The following DPP6 variants were observed in gnomAD, a reference collection of about 807,000 sequenced individuals.
The protein encoded by DPP6 is dipeptidyl peptidase like 6, also known as A-type potassium channel modulatory protein DPP6.
In DPP6, 69 loss-of-function variants were observed where a neutral mutation model predicts 122.6. That is an observed-to-expected ratio of 0.56 (90% CI 0.46 to 0.69). The LOEUF is 0.69. Among genes scored for constraint, DPP6 ranks in the 30% least tolerant of loss-of-function variants. The pLI, the probability that DPP6 is intolerant of heterozygous loss-of-function variation, is 0.00. For synonymous variants in DPP6, 418 were observed against 433.1 expected (o/e 0.97, Z 0.43); for missense variants, 928 against 1,116.9 (o/e 0.83, Z 2.41).
At chr7:153,825,481 G>A in the DPP6 span, among the ~76,000 whole-genome samples, 4 of 152,164 alleles carry the variant, frequency 2.6e-5, no homozygotes, top group African/African-American at 9.7e-5. Flanking sequence ...ATGACAGTCG[G>A]TTATCTTCCC....
At chr7:154,224,880 T>C (rs892488312) in intron 1 of DPP6, among the ~76,000 whole-genome samples, 1 of 133,064 alleles carries the variant, frequency 7.5e-6, no homozygotes, top group Non-Finnish European at 1.5e-5. Flanking sequence ...TGGTGGCTTA[T>C]GCCTGTAATC....
chr7:154,132,257 G>A (rs1795322264), intron 1 of DPP6, among the ~76,000 whole-genome samples: 1 of 152,184 alleles, frequency 6.6e-6, no homozygotes, highest in Non-Finnish European at 1.5e-5. Flanking sequence ...ATCTGACTAT[G>A]TATTTCCCTT....
intron 3 of DPP6, among the ~76,000 whole-genome samples, chr7:154,509,902 A>G (rs752226541): frequency 3.2e-4 from 49 of 152,224 alleles, no homozygotes; most frequent in Non-Finnish European, 5.7e-4. Flanking sequence ...CAGACAGAAA[A>G]TGGGATAGTG....
chr7:154,639,656 C>T lies in DPP6; in HGVS notation c.680+1783C>T, dbSNP rs577024219. Among the ~76,000 whole-genome samples the T allele has an allele frequency of 8.9e-4, 135 of 152,284 alleles. 1 individual carries two copies. The South Asian group carries it at 9.1e-3, about 10-fold the overall frequency. ...GCTGAACAAGCTAGCAAAGCTCAGG[C>T]CATGATAGTCTGTGTTGAAGGCTCG... On this transcript the variant is annotated intron_variant, in intron 6 of 25. Transcript: ENST00000377770.
chr7:154,664,205 T>C (rs1322364514), intron 6 of DPP6, among the ~76,000 whole-genome samples: 1 of 144,708 alleles, frequency 6.9e-6, no homozygotes, highest in Admixed American at 6.8e-5. Context: ...ATAAAGTCAT[T>C]GTGAATCACC....
chr7:154,683,796 G>A (rs965254064), intron 7 of DPP6, among the ~76,000 whole-genome samples: 5 of 152,060 alleles, frequency 3.3e-5, no homozygotes, highest in Admixed American at 1.3e-4. Context: ...ATCCAGTTCC[G>A]CAAATGTCCC....
the DPP6 span, among the ~76,000 whole-genome samples, chr7:153,770,043 G>T: frequency 6.6e-6 from 1 of 152,128 alleles, no homozygotes; most frequent in African/African-American, 2.4e-5. Context: ...TGGGAAGAGT[G>T]CAGAGAAAAC....
At chr7:154,450,880 A>G (rs1586309914) in intron 2 of DPP6, among the ~76,000 whole-genome samples, 2 of 152,272 alleles carry the variant, frequency 1.3e-5, no homozygotes, top group East Asian at 1.9e-4. Flanking sequence ...TTCTGCCTCT[A>G]CTTTTCTTTG....
chr7:154,530,462 C>G (rs10250672), intron 3 of DPP6, among the ~76,000 whole-genome samples: 31,457 of 151,906 alleles, frequency 0.21, 3,820 homozygotes, highest in Non-Finnish European at 0.28. Flanking sequence ...TGCCAGTTAT[C>G]CCAGAACTTG....
At chr7:154,538,733 T>A (rs978979938) in intron 3 of DPP6, among the ~76,000 whole-genome samples, 2 of 152,246 alleles carry the variant, frequency 1.3e-5, no homozygotes, top group East Asian at 3.8e-4. Flanking sequence ...AAATTTGCTA[T>A]ATAAGGGCAA....
chr7:154,288,601 A>C (rs1424581693), intron 1 of DPP6, among the ~76,000 whole-genome samples: 1 of 152,180 alleles, frequency 6.6e-6, no homozygotes, highest in East Asian at 1.9e-4. Context: ...GCATTTTTTA[A>C]AATAAGCTGT....
chr7:154,217,249 CG>C (rs1243553127), intron 1 of DPP6, among the ~76,000 whole-genome samples: 1 of 152,054 alleles, frequency 6.6e-6, no homozygotes, highest in Non-Finnish European at 1.5e-5. Flanking sequence ...AGCATTGGTG[CG>C]GGTTACTTCA....
chr7:153,808,624 C>G, the DPP6 span, among the ~76,000 whole-genome samples: 73 of 152,018 alleles, frequency 4.8e-4, no homozygotes, highest in Non-Finnish European at 8.7e-4. Flanking sequence ...TATGAGTCCA[C>G]CTTTTTAGAT....
chr7:154,733,143 T>G (rs1341089955), intron 8 of DPP6, among the ~76,000 whole-genome samples: 1 of 152,228 alleles, frequency 6.6e-6, no homozygotes, highest in Non-Finnish European at 1.5e-5. Flanking sequence ...TGTCCCACAC[T>G]AACTGCCACC....
chr7:154,315,355 A>G (rs752540852), intron 1 of DPP6, among the ~76,000 whole-genome samples: 2 of 152,316 alleles, frequency 1.3e-5, no homozygotes, highest in Non-Finnish European at 2.9e-5. Context: ...ATTTGCTCAC[A>G]AGCTTAAAAT....
At chr7:153,774,431 G>A in the DPP6 span, among the ~76,000 whole-genome samples, 7 of 152,134 alleles carry the variant, frequency 4.6e-5, no homozygotes, top group Admixed American at 1.3e-4. Context: ...TGTGTCAGTT[G>A]TTTACATGTT....
chr7:153,806,924 G>C, the DPP6 span, among the ~76,000 whole-genome samples: 1 of 151,878 alleles, frequency 6.6e-6, no homozygotes, highest in South Asian at 2.1e-4. Context: ...AAATGTTCTA[G>C]GGATTAGATT....
In DPP6 at chr7:154,425,621, GGT is replaced by G. The variant is rs3056535; in HGVS notation, c.244-20560_244-20559del. Among the ~76,000 whole-genome samples the G allele has an allele frequency of 5.3e-3, 644 of 121,412 alleles. 4 individuals are homozygous for G. The highest frequency in any genetic ancestry group is 0.012 in the African/African-American group (285 of 23,992). The allele number at this position is 121,412 out of a possible 152,430, so 79.7% of individuals were successfully genotyped here. ...GGAAAAAAATGTGTGTGTGTGTGTG[GGT>G]GTGTGTGTGTGTGTGTGTGTGTGTG... On this transcript the variant is annotated intron_variant, in intron 1 of 25. Coordinates refer to ENST00000377770, the MANE Select transcript of DPP6 (RefSeq NM_130797.4).
chr7:154,756,258 C>G (rs1843661921), intron 8 of DPP6, among the ~76,000 whole-genome samples: 1 of 152,180 alleles, frequency 6.6e-6, no homozygotes, highest in Non-Finnish European at 1.5e-5. Context: ...CTCGGCAGCG[C>G]CCCACACTTG....
Sources: allele counts gnomAD v4.1 joint callset (sites outside exome capture counted in the v4.1 genomes callset), GRCh38; gene constraint gnomAD v4.1.1; transcripts MANE v1.5; gene names NCBI Gene and HGNC (gene_info 2026-07-23, HGNC 2026-07-21).